The following UGT2B10 variants were observed in gnomAD, a reference collection of about 807,000 sequenced individuals.
The protein encoded by UGT2B10 is UDP glucuronosyltransferase family 2 member B10.
Under a neutral mutation model 43.7 loss-of-function variants are expected in UGT2B10, and 51 were observed. That is an observed-to-expected ratio of 1.17 (90% CI 0.93 to 1.47). UGT2B10 has a LOEUF of 1.47. UGT2B10 is among the 40% of genes most tolerant of loss of function. The pLI is 0.00. For synonymous variants in UGT2B10, 225 were observed against 209.0 expected (o/e 1.08, Z -0.66); for missense variants, 696 against 617.7 (o/e 1.13, Z -1.34).
intron 5 of UGT2B10, among the ~76,000 whole-genome samples, chr4:68,828,272 TG>T (rs1372256548): frequency 6.6e-6 from 1 of 152,012 alleles, no homozygotes; most frequent in African/African-American, 2.4e-5. Context: ...TTTTTTTTTA[TG>T]GTTTTTAGTT....
chr4:68,831,091 G>A lies in UGT2B10; in HGVS notation c.*212G>A. ...TGTGGCAATGAAGAAAACACTAGGG[G>A]AAATAAAAAATAATATAAAGCCATA... On this transcript the variant is annotated 3_prime_UTR_variant, in exon 6 of 6. Transcript: ENST00000265403. 1 of 620,356 alleles carries A rather than the reference G, an allele frequency of 1.6e-6. No individual in the cohort carries two copies. Among genetic ancestry groups the A allele is most frequent in the Non-Finnish European group, 2.7e-6 (1 of 375,730 alleles). 38.4% of individuals were successfully genotyped at this position (620,356 alleles called of 1,614,324 possible). A position where few individuals can be genotyped will look rare whatever the true frequency, so the allele number is the denominator to read the frequency against.
At chr4:68,824,658 A>C (rs1016807638) in intron 3 of UGT2B10, among the ~76,000 whole-genome samples, 4 of 152,180 alleles carry the variant, frequency 2.6e-5, no homozygotes, top group African/African-American at 9.6e-5. Flanking sequence ...GTAGCAAATA[A>C]AATTAAACAC....
intron 3 of UGT2B10, among the ~76,000 whole-genome samples, chr4:68,824,823 C>T (rs1051694263): frequency 2.0e-5 from 3 of 152,064 alleles, no homozygotes; most frequent in Non-Finnish European, 4.4e-5. Context: ...CCAAATTCAG[C>T]AAAATACAAT....
chr4:68,827,526 A>G lies in UGT2B10; in HGVS notation c.1285A>G (p.Lys429Glu), dbSNP rs777379990. The change falls in exon 5 of 6, where the codon AAG becomes GAG. Residue 429 changes from lysine to glutamate, a missense_variant. Transcript: ENST00000265403. ...MSSTDLLNAL[K>E]TVINDPSYKE... Reference sequence around the variant, plus strand: ...GAGTACAGACCTGCTGAATGCACTGAAGACAGTAATTAATGATCCTTCGTG... The same window carrying G: ...GAGTACAGACCTGCTGAATGCACTGGAGACAGTAATTAATGATCCTTCGTG... The G allele has an allele frequency of 3.1e-6, 5 of 1,613,336 alleles. No individual in the cohort carries two copies. The South Asian group carries it at 5.5e-5, about 18-fold the overall frequency.
intron 4 of UGT2B10, among the ~76,000 whole-genome samples, chr4:68,826,792 C>T (rs1913317): frequency 0.01 from 1,556 of 152,188 alleles, 36 homozygotes; most frequent in South Asian, 0.059. Flanking sequence ...GTTTCTACAA[C>T]TTTACACCTG....
intron 5 of UGT2B10, among the ~76,000 whole-genome samples, chr4:68,828,717 T>C (rs1176599450): frequency 6.6e-6 from 1 of 151,982 alleles, no homozygotes; most frequent in African/African-American, 2.4e-5. Context: ...ACATATACAA[T>C]ACACATATAT....
intron 2 of UGT2B10, among the ~76,000 whole-genome samples, chr4:68,820,178 A>G (rs1235534202): frequency 6.6e-6 from 1 of 152,102 alleles, no homozygotes; most frequent in Admixed American, 6.6e-5. Flanking sequence ...CTGGTAGTAC[A>G]ATAGTGGTAA....
At chr4:68,829,276 T>C (rs546642383) in intron 5 of UGT2B10, among the ~76,000 whole-genome samples, 1 of 152,122 alleles carries the variant, frequency 6.6e-6, no homozygotes, top group South Asian at 2.1e-4. Flanking sequence ...GCAAAGCTAG[T>C]GCTGCTATTC....
chr4:68,827,213 G>A, intron 4 of UGT2B10, 116 bp from the exon 5 acceptor site: 3 of 1,532,116 alleles, frequency 2.0e-6, no homozygotes, highest in Non-Finnish European at 2.7e-6. Context: ...AATCTGAAAA[G>A]TAATAGCAAA....
At position 68,827,356 on chromosome 4, in the gene UGT2B10, C is replaced by G. The variant is rs753750945; in HGVS notation, c.1115C>G (p.Thr372Ser). The G allele has an allele frequency of 1.2e-6, 2 of 1,613,326 alleles. No homozygotes were observed. Among genetic ancestry groups the G allele is most frequent in the Admixed American group, 3.3e-5 (2 of 59,944 alleles). Residue 372 changes from threonine to serine, a missense_variant, in exon 5 of 6, where the codon ACT becomes AGT. Physicochemically the swap from Thr to Ser is moderately conservative, Grantham distance 58 (BLOSUM62 1). Transcript: ENST00000265403. ...LGHPKTRAFI[T>S]HGGANGIYEA... is the part of the protein sequence containing the mutation. ...CATCCAAAAACCAGAGCTTTTATAA[C>G]TCATGGTGGAGCCAATGGCATCTAT...
At chr4:68,822,509 G>A in intron 3 of UGT2B10, 107 bp downstream of exon 3, 1 of 1,583,664 alleles carries the variant, frequency 6.3e-7, no homozygotes. Flanking sequence ...ATTTATAGCT[G>A]AATACAACCT....
intron 2 of UGT2B10, among the ~76,000 whole-genome samples, chr4:68,822,052 AC>A (rs1737527667): frequency 1.3e-5 from 2 of 152,100 alleles, no homozygotes; most frequent in Admixed American, 1.3e-4. Flanking sequence ...ATACCTACAT[AC>A]ACACACATAT....
intron 5 of UGT2B10, among the ~76,000 whole-genome samples, chr4:68,828,714 C>A (rs1426824827): frequency 6.6e-6 from 1 of 151,720 alleles, no homozygotes; most frequent in African/African-American, 2.4e-5. Flanking sequence ...TGTACATATA[C>A]AATACACATA....
intron 5 of UGT2B10, among the ~76,000 whole-genome samples, chr4:68,827,939 A>T (rs1177175091): frequency 6.6e-6 from 1 of 152,010 alleles, no homozygotes; most frequent in Non-Finnish European, 1.5e-5. Flanking sequence ...AGAAAAATTA[A>T]TTTTTATTAT....
chr4:68,816,221 T>C lies in UGT2B10; in HGVS notation c.202T>C (p.Ser68Pro), dbSNP rs1247264485. ...SASILFDPND[S>P]STLKLEVYPT... ...TTCCATTCTTTTTGATCCCAACGAC[T>C]CATCCACTCTTAAACTTGAAGTTTA... Residue 68 changes from serine (S) to proline (P), a missense_variant, in exon 1 of 6, where the codon TCA becomes CCA. Physicochemically the swap from Ser to Pro is moderately conservative, Grantham distance 74. Coordinates refer to ENST00000265403, the MANE Select transcript of UGT2B10 (RefSeq NM_001075.6). 1.2e-6 allele frequency: 2 copies of C among 1,613,214 alleles called. No homozygotes were observed. The highest frequency in any genetic ancestry group is 1.7e-5 in the Admixed American group (1 of 59,902).
At chr4:68,825,438 C>T (rs114548106) in intron 3 of UGT2B10, among the ~76,000 whole-genome samples, 4 of 151,944 alleles carry the variant, frequency 2.6e-5, no homozygotes, top group East Asian at 3.9e-4. Context: ...TCATCACCCA[C>T]GTATTAAGAC....
intron 4 of UGT2B10, 70 bp from the exon 5 acceptor site, chr4:68,827,259 T>C (rs1041027356): frequency 1.2e-6 from 2 of 1,608,624 alleles, no homozygotes; most frequent in Non-Finnish European, 1.7e-6. Flanking sequence ...CACTGTCACT[T>C]TCAGAGCCTT....
intron 1 of UGT2B10, among the ~76,000 whole-genome samples, chr4:68,817,163 T>G (rs1185915439): frequency 6.6e-6 from 1 of 151,848 alleles, no homozygotes; most frequent in Non-Finnish European, 1.5e-5. Context: ...TCAGTTGTCT[T>G]ATTTAGAAAT....
intron 3 of UGT2B10, among the ~76,000 whole-genome samples, chr4:68,826,057 T>C (rs1737756552): frequency 6.6e-6 from 1 of 152,206 alleles, no homozygotes; most frequent in Non-Finnish European, 1.5e-5. Flanking sequence ...TGTTATCTCA[T>C]TGTGGTTTTG....
Sources: gnomAD v4.1 joint callset for allele counts (sites outside exome capture counted in the v4.1 genomes callset) on GRCh38, gnomAD v4.1.1 for gene constraint, MANE v1.5 for transcripts, NCBI Gene and HGNC (gene_info 2026-07-23, HGNC 2026-07-21) for gene names.